CSMD1: variants seen among roughly 807,000 people sequenced by gnomAD.
The protein encoded by CSMD1 is CUB and Sushi multiple domains 1, also known as CUB and sushi domain-containing protein 1.
CSMD1 carries 213 observed loss-of-function variants against 417.5 expected under a neutral mutation model. That is an observed-to-expected ratio of 0.51 (90% CI 0.46 to 0.57). The LOEUF is 0.57. CSMD1 is among the 20% of genes least tolerant of loss of function. The pLI is 0.00. For missense variants in CSMD1, 6,923 were observed against 4,529.7 expected (o/e 1.53, Z -15.17); for synonymous variants, 2,862 against 1,736.8 (o/e 1.65, Z -16.11).
chr8:4,547,067 C>T (rs918453856), intron 2 of CSMD1, among the ~76,000 whole-genome samples: 15 of 152,160 alleles, frequency 9.9e-5, no homozygotes, highest in Non-Finnish European at 1.9e-4. Flanking sequence ...ACCTTTTGGA[C>T]TTGTCTATTT....
intron 1 of CSMD1, among the ~76,000 whole-genome samples, chr8:4,808,888 T>A (rs1333200657): frequency 1.3e-5 from 2 of 152,244 alleles, no homozygotes; most frequent in Non-Finnish European, 2.9e-5. Flanking sequence ...AATATTCTTT[T>A]TCTATGTTTA....
intron 5 of CSMD1, among the ~76,000 whole-genome samples, chr8:3,964,499 G>C (rs374805198): frequency 3.3e-5 from 5 of 152,080 alleles, no homozygotes; most frequent in Admixed American, 1.3e-4. Context: ...TCTCTTTCTA[G>C]CCTGCCATAC....
At chr8:3,334,800 C>G (rs1807144374) in intron 23 of CSMD1, among the ~76,000 whole-genome samples, 1 of 152,024 alleles carries the variant, frequency 6.6e-6, no homozygotes, top group African/African-American at 2.4e-5. Context: ...AGGTCTCTCT[C>G]TAATGTTCTT....
intron 40 of CSMD1, among the ~76,000 whole-genome samples, chr8:3,144,539 C>G (rs185015667): frequency 6.6e-6 from 1 of 151,766 alleles, no homozygotes; most frequent in African/African-American, 2.4e-5. Flanking sequence ...GTCTATAGAC[C>G]GGTACTACAT....
chr8:3,418,440 C>G (rs1411351848), intron 12 of CSMD1, among the ~76,000 whole-genome samples: 1 of 152,118 alleles, frequency 6.6e-6, no homozygotes, highest in Non-Finnish European at 1.5e-5. Context: ...TGTCAGAGAG[C>G]ACTTACTGGG....
chr8:3,049,722 A>G (rs1811690616), intron 50 of CSMD1, among the ~76,000 whole-genome samples: 1 of 152,108 alleles, frequency 6.6e-6, no homozygotes, highest in African/African-American at 2.4e-5. Context: ...CCAAGCCCAC[A>G]GATGGTGCAA....
intron 1 of CSMD1, among the ~76,000 whole-genome samples, chr8:4,763,357 A>G (rs1563323190): frequency 6.6e-6 from 1 of 152,196 alleles, no homozygotes; most frequent in African/African-American, 2.4e-5. Context: ...TTCCTATTGC[A>G]TTCACAGTCC....
intron 2 of CSMD1, among the ~76,000 whole-genome samples, chr8:4,588,424 C>T (rs1282211719): frequency 6.6e-6 from 1 of 150,914 alleles, no homozygotes; most frequent in Non-Finnish European, 1.5e-5. Context: ...CTATCTCTTC[C>T]TCTAGATAGT....
chr8:4,155,722 C>G (rs1317332681), intron 3 of CSMD1, among the ~76,000 whole-genome samples: 1 of 152,096 alleles, frequency 6.6e-6, no homozygotes, highest in Non-Finnish European at 1.5e-5. Flanking sequence ...CAAATCACAA[C>G]AGAAACATTC....
At position 3,500,423 on chromosome 8, in the gene CSMD1, G is replaced by A. The variant is rs139094863; in HGVS notation, c.1345-6697C>T. 6.1e-4 allele frequency among the ~76,000 whole-genome samples: 93 copies of A among 152,242 alleles called. 1 individual carries two copies. The highest frequency in any genetic ancestry group is 1.2e-3 in the Admixed American group (18 of 15,290). ...GGAGCTTGGGAGAGGTTCACGACCA[G>A]ACACACAGAAATGGGGGTCCCTAAC... On this transcript the variant is annotated intron_variant, in intron 10 of 69. Transcript: ENST00000635120.
At chr8:3,312,763 C>G (rs1262830547) in intron 23 of CSMD1, among the ~76,000 whole-genome samples, 1 of 151,918 alleles carries the variant, frequency 6.6e-6, no homozygotes, top group Non-Finnish European at 1.5e-5. Context: ...AAACTGTGCC[C>G]TTAGAGCCAT....
intron 10 of CSMD1, among the ~76,000 whole-genome samples, chr8:3,521,430 C>A (rs958839152): frequency 6.6e-6 from 1 of 152,190 alleles, no homozygotes; most frequent in East Asian, 1.9e-4. Context: ...CCTCCTTGAG[C>A]AAGCTAGGAA....
chr8:4,732,820 G>A (rs373685459), intron 1 of CSMD1, among the ~76,000 whole-genome samples: 1 of 152,158 alleles, frequency 6.6e-6, no homozygotes, highest in East Asian at 1.9e-4. Flanking sequence ...CAGTAAATGA[G>A]CTTGGAACTT....
chr8:4,077,309 A>ATG (rs1554439919), intron 3 of CSMD1, among the ~76,000 whole-genome samples: 1 of 145,578 alleles, frequency 6.9e-6, no homozygotes, highest in African/African-American at 2.6e-5. Flanking sequence ...ATATATATAT[A>ATG]TATATATATA....
chr8:3,179,128 G>T (rs1481814681), intron 37 of CSMD1, among the ~76,000 whole-genome samples: 1 of 151,024 alleles, frequency 6.6e-6, no homozygotes, highest in African/African-American at 2.4e-5. Context: ...TGTATTTTTA[G>T]TAGATACGGG....
intron 7 of CSMD1, among the ~76,000 whole-genome samples, chr8:3,697,790 G>T (rs1001793662): frequency 1.3e-5 from 2 of 152,128 alleles, no homozygotes; most frequent in African/African-American, 4.8e-5. Flanking sequence ...AGTAGTGATG[G>T]AAATGCTAAA....
chr8:4,205,998 TTC>T (rs1273058221), intron 3 of CSMD1, among the ~76,000 whole-genome samples: 1 of 152,172 alleles, frequency 6.6e-6, no homozygotes, highest in Non-Finnish European at 1.5e-5. Flanking sequence ...GGAATTTTCT[TTC>T]TCTTTCTTCA....
chr8:3,637,715 T>G lies in CSMD1; in HGVS notation c.1010-20918A>C, dbSNP rs559424269. Among the ~76,000 whole-genome samples, 5 of 152,282 alleles carry G rather than the reference T, an allele frequency of 3.3e-5. No individual in the cohort carries two copies. In the South Asian group the frequency reaches 1.0e-3, roughly 32 times the overall value. ...TTACCTCTGGCATACAGGTGTTAAG[T>G]AGGGATATGGTTTGGCTGTGTCCCC... is the stretch of plus-strand genomic sequence containing the variant. On this transcript the variant is annotated intron_variant, in intron 7 of 69. Coordinates refer to ENST00000635120, the MANE Select transcript of CSMD1 (RefSeq NM_033225.6).
At position 3,000,126 on chromosome 8, in the gene CSMD1, G is replaced by A. The variant is rs1037587243; in HGVS notation, c.8035C>T (p.His2679Tyr). The change falls in exon 53 of 70, where the codon CAC (histidine) becomes TAC (tyrosine). Residue 2679 changes from histidine (H) to tyrosine (Y), a missense_variant. Physicochemically the swap from His to Tyr is moderately conservative, Grantham distance 83. Transcript: ENST00000635120. The stretch of plus-strand genomic sequence containing the variant: ...ACAATCGGGTCTGGGGAACCGCAGT[G>A]GCCAGCTAAAAATGTTAAACCAATT... ...SGSETRCLAGHCGSPDPIVNG... is the reference protein window; with the variant it reads ...SGSETRCLAGYCGSPDPIVNG... 1.8e-5 allele frequency: 27 copies of A among 1,534,434 alleles called. No homozygotes were observed. The highest frequency in any genetic ancestry group is 2.2e-5 in the Non-Finnish European group (25 of 1,137,810).
Sources: gnomAD v4.1 joint callset for allele counts (sites outside exome capture counted in the v4.1 genomes callset) on GRCh38, gnomAD v4.1.1 for gene constraint, MANE v1.5 for transcripts, NCBI Gene and HGNC (gene_info 2026-07-23, HGNC 2026-07-21) for gene names.